Variants in CCDC187 observed in about 807,000 individuals in gnomAD.
CCDC187 encodes the protein coiled-coil domain-containing protein 187.
CCDC187 carries 32 observed loss-of-function variants against 38.0 expected under a neutral mutation model. The ratio of observed to expected loss-of-function variants is 0.84; its 90% CI spans 0.64 to 1.13. The LOEUF is 1.13. Ranked by LOEUF, CCDC187 falls within the 50% of genes most tolerant of loss-of-function variation. The pLI, the probability that CCDC187 is intolerant of heterozygous loss-of-function variation, is 0.00. For missense variants in CCDC187, 707 were observed against 786.8 expected (o/e 0.90, Z 1.21); for synonymous variants, 333 against 347.9 (o/e 0.96, Z 0.48).
intron 2 of CCDC187, among the ~76,000 whole-genome samples, chr9:136,300,797 A>C (rs1323910902): frequency 1.3e-5 from 2 of 152,054 alleles, no homozygotes; most frequent in African/African-American, 4.8e-5. Flanking sequence ...ACGGGGTTTC[A>C]CCCATGTTGG....
chr9:136,269,229 G>T (rs1169004964), intron 14 of CCDC187, among the ~76,000 whole-genome samples: 3 of 152,210 alleles, frequency 2.0e-5, no homozygotes, highest in African/African-American at 4.8e-5. Flanking sequence ...GAACGTTCTT[G>T]CCTTGACTGT....
chr9:136,293,109 GCTCACACA>G (rs1429574824), intron 4 of CCDC187, among the ~76,000 whole-genome samples: 1 of 146,496 alleles, frequency 6.8e-6, no homozygotes, highest in Non-Finnish European at 1.5e-5. Flanking sequence ...CACTCACATT[GCTCACACA>G]CTCACAAACA....
At chr9:136,293,343 TCA>T (rs1367717008) in intron 4 of CCDC187, among the ~76,000 whole-genome samples, 9 of 123,840 alleles carry the variant, frequency 7.3e-5, no homozygotes, top group East Asian at 2.5e-4. Context: ...ACACTCACAC[TCA>T]CATGCTCACA....
At chr9:136,281,995 G>A (rs1392835739) in intron 9 of CCDC187, among the ~76,000 whole-genome samples, 5 of 152,170 alleles carry the variant, frequency 3.3e-5, no homozygotes, top group African/African-American at 7.2e-5. Context: ...CTGGCTGCTC[G>A]GAGCTCTGCA....
chr9:136,288,685 A>T (rs1410378682), intron 7 of CCDC187, among the ~76,000 whole-genome samples: 1 of 152,158 alleles, frequency 6.6e-6, no homozygotes, highest in Non-Finnish European at 1.5e-5. Flanking sequence ...AAGTTGGGGG[A>T]GGTCTTCAGA....
At chr9:136,275,057 A>G (rs1588658667) in intron 12 of CCDC187, 50 bp from the exon 13 acceptor site, 4 of 152,394 alleles carry the variant, frequency 2.6e-5, no homozygotes, top group Admixed American at 2.6e-4. Flanking sequence ...GCGGCTCCAC[A>G]ATTGTGGGCA....
upstream of CCDC187, among the ~76,000 whole-genome samples, chr9:136,306,074 T>C (rs1746898060): frequency 3.9e-5 from 6 of 152,286 alleles, 1 homozygote; most frequent in African/African-American, 1.4e-4. Context: ...GGTACGAGGC[T>C]CGGGGCTACT....
rs1831729411 is a variant in CCDC187, at chr9:136,303,139, A to G, written c.298T>C (p.Trp100Arg). 2.5e-6 allele frequency: 1 copy of G among 398,544 alleles called. No homozygotes were observed. Among genetic ancestry groups the G allele is most frequent in the African/African-American group, 2.1e-5 (1 of 48,642 alleles). 24.7% of individuals were successfully genotyped at this position (398,544 alleles called of 1,614,324 possible). Residue 100 changes from tryptophan (W) to arginine (R), a missense_variant, in exon 2 of 26, where the codon TGG (tryptophan) becomes CGG (arginine). Physicochemically the swap from Trp to Arg is moderately radical, Grantham distance 101. Coordinates refer to ENST00000638797, the MANE Select transcript of CCDC187 (RefSeq NM_001378188.1). Reference sequence around the variant, plus strand: ...TCCCTAGCCTCCGGGCCTGTGGACCACATGGGCAGGCTGCACGCCTTCCCC... The same window carrying G: ...TCCCTAGCCTCCGGGCCTGTGGACCGCATGGGCAGGCTGCACGCCTTCCCC... ...PWGKACSLPM[W>R]STGPEARDGD...
rs1307496918 is a variant in CCDC187, at chr9:136,258,325, CT to C, written c.4366+606del. Among the ~76,000 whole-genome samples the C allele has an allele frequency of 5.9e-5, 9 of 152,160 alleles. No individual in the cohort carries two copies. Among genetic ancestry groups the C allele is most frequent in the Admixed American group, 5.2e-4 (8 of 15,288 alleles). ...GGACCCCCCAGTCTATGCCACCCCC[CT>C]TGGGTGGCATAGTCTCCCTGCTTCC... On this transcript the variant is annotated intron_variant, in intron 22 of 25. Transcript: ENST00000638797. This position sits in a 1 kb window ranked among gnomAD's most constrained non-coding sequence, Gnocchi z 4.3.
chr9:136,286,123 C>T lies in CCDC187; in HGVS notation c.2795G>A (p.Ser932Asn). 1 of 398,582 alleles carries T rather than the reference C, an allele frequency of 2.5e-6. No homozygotes were observed. The highest frequency in any genetic ancestry group is 2.1e-5 in the African/African-American group (1 of 48,766). 24.7% of individuals were successfully genotyped at this position (398,582 alleles called of 1,614,324 possible). The change falls in exon 8 of 26, where the codon AGT becomes AAT. Residue 932 changes from serine (S) to asparagine (N), a missense_variant. Ser to Asn is a conservative substitution (Grantham distance 46). Coordinates refer to ENST00000638797, the MANE Select transcript of CCDC187 (RefSeq NM_001378188.1). ...CTCGCAGTGGGCCCTCGGGCTCACA[C>T]TCTGCTGTTGCTCCCAGCTGGGGCC... ...SWGPSWEQQQ[S>N]VSPRAHCESK...
chr9:136,293,257 ACT>A (rs1191874580), intron 4 of CCDC187, among the ~76,000 whole-genome samples: 2 of 145,204 alleles, frequency 1.4e-5, no homozygotes, highest in African/African-American at 2.6e-5. Context: ...ATGCTTACAC[ACT>A]CACTCATGCT....
intron 2 of CCDC187, among the ~76,000 whole-genome samples, 178 bp downstream of exon 2, chr9:136,302,634 C>T (rs1831712897): frequency 6.6e-6 from 1 of 152,220 alleles, no homozygotes. Flanking sequence ...GAGGGATCCT[C>T]ATCATGGACC....
Position 136,286,278 on chromosome 9 carries a change from AAGCGTGGGGGTGGCG to A in CCDC187, c.2625_2639del (p.Thr879_Pro883del), listed in dbSNP as rs1189247950. ...AGGCTCCAGGGCAGGCTGGGGTGGCAAGCGTGGGGGTGGCGAGCGTGGGGGCGGCAGGTAGGCTGT... is the reference window on the plus strand; with the variant it reads ...AGGCTCCAGGGCAGGCTGGGGTGGCAAGCGTGGGGGCGGCAGGTAGGCTGT... On this transcript the variant is annotated inframe_deletion, in exon 8 of 26. Coordinates refer to ENST00000638797, the MANE Select transcript of CCDC187 (RefSeq NM_001378188.1). The A allele has an allele frequency of 1.3e-5, 5 of 398,526 alleles. No individual in the cohort carries two copies. In the South Asian group the frequency reaches 3.8e-4, roughly 30 times the overall value. The allele number at this position is 398,526 out of a possible 1,614,324, so 24.7% of individuals were successfully genotyped here. A position where few individuals can be genotyped will look rare whatever the true frequency, so the allele number is the denominator to read the frequency against.
At chr9:136,284,716 G>T (rs914514475) in intron 9 of CCDC187, among the ~76,000 whole-genome samples, 1 of 149,570 alleles carries the variant, frequency 6.7e-6, no homozygotes, top group Non-Finnish European at 1.5e-5. Flanking sequence ...GATTTTTGGT[G>T]GGGGGCAGGT....
rs1417035432 is a variant in CCDC187, at chr9:136,250,951, G to A, written c.*2643C>T. ...CTGGGGTCTCTCACCAGAGCTATGG[G>A]GTAGAGGGCCTTGGCAGCTCCGTGT... On this transcript the variant is annotated 3_prime_UTR_variant, in exon 26 of 26. Coordinates refer to ENST00000638797, the MANE Select transcript of CCDC187 (RefSeq NM_001378188.1). 2.2e-6 allele frequency: 1 copy of A among 454,772 alleles called. No individual in the cohort carries two copies. The highest frequency in any genetic ancestry group is 2.3e-5 in the Admixed American group (1 of 42,564). 28.2% of individuals were successfully genotyped at this position (454,772 alleles called of 1,614,324 possible).
Position 136,254,070 on chromosome 9 carries a change from G to A in CCDC187, c.5758C>T (p.Pro1920Ser). ...GYQEGTRDAD[P>S]SPSTKSKLPY... ...AGTTTGCTCTTGGTGGATGGGCTCG[G>A]GTCAGCATCCCGGGTTCCCTCCTGG... is the stretch of plus-strand genomic sequence containing the variant. Residue 1920 changes from proline to serine, a missense_variant, in exon 26 of 26, where the codon CCG (proline) becomes TCG (serine). Physicochemically the swap from Pro to Ser is moderately conservative, Grantham distance 74. Coordinates refer to ENST00000638797, the MANE Select transcript of CCDC187 (RefSeq NM_001378188.1). The A allele has an allele frequency of 1.0e-6, 1 of 985,434 alleles. No homozygotes were observed. Among genetic ancestry groups the A allele is most frequent in the Non-Finnish European group, 1.2e-6 (1 of 829,934 alleles). 61.0% of individuals were successfully genotyped at this position (985,434 alleles called of 1,614,324 possible). A position where few individuals can be genotyped will look rare whatever the true frequency, so the allele number is the denominator to read the frequency against.
chr9:136,262,216 G>C (rs923935764), intron 19 of CCDC187, 95 bp downstream of exon 19: 254 of 973,180 alleles, frequency 2.6e-4, no homozygotes, highest in Non-Finnish European at 2.9e-4. Context: ...CCTGAGCCAG[G>C]CTCGTCCACC....
At chr9:136,276,385 A>T (rs979152699) in intron 11 of CCDC187, 84 bp from the exon 12 acceptor site, 9 of 151,784 alleles carry the variant, frequency 5.9e-5, no homozygotes, top group African/African-American at 2.2e-4. Flanking sequence ...ACCCCAAGGG[A>T]TCCTATGTCT....
intron 2 of CCDC187, among the ~76,000 whole-genome samples, chr9:136,301,590 T>TC (rs1831684477): frequency 6.7e-6 from 1 of 148,352 alleles, no homozygotes; most frequent in East Asian, 2.0e-4. Flanking sequence ...ACGTTACTTT[T>TC]TTTTTTTTTT....
Sources: gnomAD v4.1 joint callset for allele counts (sites outside exome capture counted in the v4.1 genomes callset) on GRCh38, gnomAD v4.1.1 for gene constraint, Gnocchi (gnomAD v3.1) non-coding constraint, MANE v1.5 for transcripts, NCBI Gene and HGNC (gene_info 2026-07-23, HGNC 2026-07-21) for gene names.